Variants in TSPAN5 observed in about 807,000 individuals in gnomAD.
The protein encoded by TSPAN5 is tetraspanin 5.
A neutral mutation model predicts 37.1 loss-of-function variants in TSPAN5; 10 were observed. The observed-to-expected ratio is 0.27, with a 90% CI of 0.17 to 0.46. The LOEUF is 0.46. Among genes scored for constraint, TSPAN5 ranks in the 20% least tolerant of loss-of-function variants. The pLI, the probability that TSPAN5 is intolerant of heterozygous loss-of-function variation, is 1.00. For synonymous variants in TSPAN5, 110 were observed against 118.9 expected (o/e 0.93, Z 0.48); for missense variants, 195 against 326.6 (o/e 0.60, Z 3.11).
chr4:98,633,428 G>A (rs1057424901), intron 1 of TSPAN5, among the ~76,000 whole-genome samples: 1 of 152,140 alleles, frequency 6.6e-6, no homozygotes, highest in Non-Finnish European at 1.5e-5. Context: ...TAATAAAATT[G>A]CAGATGAAGT....
intron 1 of TSPAN5, among the ~76,000 whole-genome samples, chr4:98,571,757 G>T (rs141004286): frequency 6.6e-6 from 1 of 152,182 alleles, no homozygotes; most frequent in Non-Finnish European, 1.5e-5. Flanking sequence ...TACATCATAC[G>T]ATTTTGTAAA....
intron 1 of TSPAN5, among the ~76,000 whole-genome samples, chr4:98,603,756 T>C (rs909465874): frequency 6.6e-6 from 1 of 152,134 alleles, no homozygotes; most frequent in African/African-American, 2.4e-5. Flanking sequence ...CAGATGCTCA[T>C]CTCCTTCACA....
chr4:98,629,955 T>C (rs938159186), intron 1 of TSPAN5, among the ~76,000 whole-genome samples: 1 of 152,254 alleles, frequency 6.6e-6, no homozygotes, highest in Non-Finnish European at 1.5e-5. Context: ...TTAAACTGTC[T>C]TGTCATACTT....
intron 1 of TSPAN5, among the ~76,000 whole-genome samples, chr4:98,644,260 A>G (rs1757016648): frequency 6.6e-6 from 1 of 152,214 alleles, no homozygotes. Context: ...CACTAATGTA[A>G]GAGCACATTT....
Position 98,526,315 on chromosome 4 carries a change from G to T in TSPAN5, c.82-18587C>A, listed in dbSNP as rs846003. Among the ~76,000 whole-genome samples, 220 of 152,270 alleles carry T rather than the reference G, an allele frequency of 1.4e-3. 6 individuals are homozygous for T. In the East Asian group the frequency reaches 0.042, roughly 29 times the overall value. ...CACATACACAAGAAATCCAAGGCAG[G>T]CCAGGTGAAAACATCTGAACTAGAT... is the stretch of plus-strand genomic sequence containing the variant. On this transcript the variant is annotated intron_variant, in intron 1 of 7. Transcript: ENST00000305798.
At chr4:98,532,333 C>T (rs1177689072) in intron 1 of TSPAN5, among the ~76,000 whole-genome samples, 1 of 152,148 alleles carries the variant, frequency 6.6e-6, no homozygotes, top group African/African-American at 2.4e-5. Flanking sequence ...CATGGAATGT[C>T]TTTGCATTTG....
chr4:98,532,516 C>T (rs1481423191), intron 1 of TSPAN5, among the ~76,000 whole-genome samples: 2 of 152,104 alleles, frequency 1.3e-5, no homozygotes, highest in Non-Finnish European at 2.9e-5. Flanking sequence ...TATAGCAATG[C>T]TTGTGATTTT....
At position 98,564,504 on chromosome 4, in the gene TSPAN5, CT is replaced by C. The variant is rs1560539293; in HGVS notation, c.82-56777del. Among the ~76,000 whole-genome samples, 3 of 152,242 alleles carry C rather than the reference CT, an allele frequency of 2.0e-5. No homozygotes were observed. The East Asian group carries it at 5.8e-4, about 29-fold the overall frequency. ...AAATCAGAAGCTAAATATAGGTGAT[CT>C]AAGTTAATCTCACTGAGTCCTTTTA... On this transcript the variant is annotated intron_variant, in intron 1 of 7. Transcript: ENST00000305798.
intron 1 of TSPAN5, among the ~76,000 whole-genome samples, chr4:98,615,037 G>A (rs542836077): frequency 2.0e-5 from 3 of 152,194 alleles, no homozygotes; most frequent in African/African-American, 4.8e-5. Flanking sequence ...CACAGTCACC[G>A]TAGCAGAAAT....
At chr4:98,496,642 G>C (rs1177939729) in intron 2 of TSPAN5, 1 of 152,182 alleles carries the variant, frequency 6.6e-6, no homozygotes, top group East Asian at 1.9e-4. Flanking sequence ...GCGGTACCAA[G>C]TTCCATCAGG....
chr4:98,579,821 GA>G (rs1398708760), intron 1 of TSPAN5, among the ~76,000 whole-genome samples: 1 of 152,142 alleles, frequency 6.6e-6, no homozygotes, highest in Non-Finnish European at 1.5e-5. Flanking sequence ...CAATGTGAAA[GA>G]GACAAAAGAC....
In TSPAN5 at chr4:98,486,868, A is replaced by T; in HGVS notation, c.149T>A (p.Ile50Asn). The change falls in exon 3 of 8, where the codon ATC (isoleucine) becomes AAC (asparagine). Residue 50 changes from isoleucine to asparagine, a missense_variant. Transcript: ENST00000305798. ...AWNEKGVLSNISSITDLGGFD... is the reference protein window; with the variant it reads ...AWNEKGVLSNNSSITDLGGFD... ...GCCGCCGAGATCGGTGATGGAAGAG[A>T]TGTTGGACAGAACTCCCTGGGAGCA... 6.2e-7 allele frequency: 1 copy of T among 1,614,008 alleles called. No individual in the cohort carries two copies. The highest frequency in any genetic ancestry group is 8.5e-7 in the Non-Finnish European group (1 of 1,179,996).
chr4:98,554,474 G>T (rs991932740), intron 1 of TSPAN5, among the ~76,000 whole-genome samples: 1 of 152,100 alleles, frequency 6.6e-6, no homozygotes, highest in African/African-American at 2.4e-5. Flanking sequence ...AATCTAACGC[G>T]CTAATCATAC....
At chr4:98,521,376 T>TC (rs1436509389) in intron 1 of TSPAN5, among the ~76,000 whole-genome samples, 4 of 152,160 alleles carry the variant, frequency 2.6e-5, no homozygotes, top group African/African-American at 9.7e-5. Context: ...TTCCCTAAGT[T>TC]CAGGGTTCCT....
chr4:98,573,395 TAAC>T (rs1322332589), intron 1 of TSPAN5, among the ~76,000 whole-genome samples: 3 of 152,170 alleles, frequency 2.0e-5, no homozygotes, highest in Admixed American at 6.5e-5. Context: ...ACTCATGAAA[TAAC>T]AACTTTTTAA....
chr4:98,628,838 T>C (rs1410082925), intron 1 of TSPAN5, among the ~76,000 whole-genome samples: 7 of 152,226 alleles, frequency 4.6e-5, no homozygotes, highest in Admixed American at 2.6e-4. Context: ...CTATGATACA[T>C]TGTACATTGC....
At chr4:98,566,526 A>G (rs1482533185) in intron 1 of TSPAN5, among the ~76,000 whole-genome samples, 1 of 152,234 alleles carries the variant, frequency 6.6e-6, no homozygotes, top group East Asian at 1.9e-4. Flanking sequence ...GTCAGGCCAG[A>G]GCCCAGCTGG....
intron 1 of TSPAN5, among the ~76,000 whole-genome samples, chr4:98,655,210 G>A (rs1194118083): frequency 6.6e-6 from 1 of 152,084 alleles, no homozygotes; most frequent in Non-Finnish European, 1.5e-5. Flanking sequence ...GATCTTTGAG[G>A]AAGAAATGAA....
In TSPAN5 at chr4:98,591,069, G is replaced by GT. The variant is rs200525592; in HGVS notation, c.81+67076dup. Among the ~76,000 whole-genome samples the GT allele has an allele frequency of 9.5e-3, 1,306 of 137,984 alleles. 10 individuals carry two copies. The highest frequency in any genetic ancestry group is 0.026 in the Middle Eastern group (7 of 272). 90.5% of individuals were successfully genotyped at this position (137,984 alleles called of 152,430 possible). On this transcript the variant is annotated intron_variant, in intron 1 of 7. Transcript: ENST00000305798. ...CCCTGCCATGCTTTTCCTTTTTTTT[G>GT]TTTTTTTGTTTTTTTTTTTTAATAA... is the stretch of plus-strand genomic sequence containing the variant.
Sources: gnomAD v4.1 joint callset for allele counts (sites outside exome capture counted in the v4.1 genomes callset) on GRCh38, gnomAD v4.1.1 for gene constraint, MANE v1.5 for transcripts, NCBI Gene and HGNC (gene_info 2026-07-23, HGNC 2026-07-21) for gene names.